Variants in UVRAG observed in about 807,000 individuals in gnomAD.
The protein encoded by UVRAG is UV radiation resistance-associated gene protein.
In UVRAG, 19 loss-of-function variants were observed where a neutral mutation model predicts 78.0. The ratio of observed to expected loss-of-function variants is 0.24; its 90% CI spans 0.17 to 0.36. The LOEUF is 0.36. Among genes scored for constraint, UVRAG ranks in the 10% least tolerant of loss-of-function variants. The pLI is 1.00. For synonymous variants in UVRAG, 323 were observed against 324.6 expected (o/e 1.00, Z 0.05); for missense variants, 740 against 853.8 (o/e 0.87, Z 1.66).
chr11:76,006,446 GCC>G (rs561815524), intron 9 of UVRAG, among the ~76,000 whole-genome samples: 3 of 152,084 alleles, frequency 2.0e-5, no homozygotes, highest in Admixed American at 2.0e-4. Flanking sequence ...GATAGCTTGA[GCC>G]TATGAGTTTG....
chr11:75,924,600 G>A (rs371500836), intron 6 of UVRAG, among the ~76,000 whole-genome samples: 4 of 152,012 alleles, frequency 2.6e-5, no homozygotes, highest in Admixed American at 2.6e-4. Flanking sequence ...GTGTTAGCCA[G>A]GATGGTCTTG....
At chr11:75,998,428 T>C (rs1949746882) in intron 8 of UVRAG, among the ~76,000 whole-genome samples, 1 of 152,074 alleles carries the variant, frequency 6.6e-6, no homozygotes, top group Non-Finnish European at 1.5e-5. Flanking sequence ...TTTTAAAAAA[T>C]CAAATTAATA....
intron 1 of UVRAG, among the ~76,000 whole-genome samples, chr11:75,826,714 A>C (rs1205425713): frequency 6.8e-6 from 1 of 146,412 alleles, no homozygotes; most frequent in Non-Finnish European, 1.5e-5. Flanking sequence ...TTTTTTTTTA[A>C]ATGTTCTACT....
At chr11:76,055,124 T>C (rs1004220432) in intron 12 of UVRAG, among the ~76,000 whole-genome samples, 1 of 152,200 alleles carries the variant, frequency 6.6e-6, no homozygotes, top group Non-Finnish European at 1.5e-5. Context: ...CTCAGCTCAC[T>C]GCAACCTTCA....
intron 12 of UVRAG, among the ~76,000 whole-genome samples, chr11:76,036,869 A>G (rs1419539761): frequency 6.6e-6 from 1 of 152,172 alleles, no homozygotes; most frequent in African/African-American, 2.4e-5. Context: ...AAAAAATATA[A>G]AATAACAAAA....
At chr11:76,075,758 C>T (rs1951393620) in intron 13 of UVRAG, among the ~76,000 whole-genome samples, 1 of 152,204 alleles carries the variant, frequency 6.6e-6, no homozygotes, top group Admixed American at 6.5e-5. Flanking sequence ...CCCTCAGGTT[C>T]CCCATCCCTG....
intron 5 of UVRAG, 82 bp from the exon 6 acceptor site, chr11:75,911,872 T>G: frequency 1.0e-6 from 1 of 994,666 alleles, no homozygotes; most frequent in African/African-American, 1.6e-5. Context: ...ATGTCATATT[T>G]TTAAAAAGAC....
rs143362691 is a variant in UVRAG, at chr11:75,936,752, A to T, written c.594-24692A>T. 5.0e-3 allele frequency among the ~76,000 whole-genome samples: 762 copies of T among 152,308 alleles called. 1 individual carries two copies. The highest frequency in any genetic ancestry group is 0.012 in the South Asian group (56 of 4,830). On this transcript the variant is annotated intron_variant, in intron 6 of 14. Transcript: ENST00000356136. The stretch of plus-strand genomic sequence containing the variant: ...TTTTAGTACAGAATAATAATAATAA[A>T]AAAACCCACTGTTGATTGACTTAAA...
At chr11:76,034,148 C>T (rs188700819) in intron 12 of UVRAG, among the ~76,000 whole-genome samples, 1 of 152,068 alleles carries the variant, frequency 6.6e-6, no homozygotes, top group African/African-American at 2.4e-5. Context: ...AGCCTGTGTC[C>T]TCTTGTACTA....
At chr11:75,903,052 C>T (rs1947542430) in intron 5 of UVRAG, among the ~76,000 whole-genome samples, 1 of 152,136 alleles carries the variant, frequency 6.6e-6, no homozygotes, top group African/African-American at 2.4e-5. Flanking sequence ...GGTTCTGTCT[C>T]CGCTTTTTAT....
chr11:75,818,327 G>GT (rs879630088), intron 1 of UVRAG, among the ~76,000 whole-genome samples: 18 of 145,318 alleles, frequency 1.2e-4, no homozygotes, highest in Non-Finnish European at 1.7e-4. Flanking sequence ...TATGTCTAAT[G>GT]TTTTTTTTTT....
intron 3 of UVRAG, among the ~76,000 whole-genome samples, chr11:75,877,374 C>A (rs1946813450): frequency 6.6e-6 from 1 of 152,162 alleles, no homozygotes; most frequent in Non-Finnish European, 1.5e-5. Flanking sequence ...GCACACCTCC[C>A]AGACGGGGTG....
intron 1 of UVRAG, among the ~76,000 whole-genome samples, chr11:75,841,683 A>T (rs967811552): frequency 2.0e-5 from 3 of 152,190 alleles, no homozygotes; most frequent in Non-Finnish European, 4.4e-5. Flanking sequence ...GTAAAATTTT[A>T]TATGAACTTT....
intron 5 of UVRAG, among the ~76,000 whole-genome samples, chr11:75,897,196 A>G (rs1453120751): frequency 2.0e-5 from 3 of 152,222 alleles, no homozygotes; most frequent in Non-Finnish European, 4.4e-5. Flanking sequence ...ATAGGCTGAG[A>G]TTGAAGATTT....
At chr11:75,861,585 AC>A (rs138610009) in intron 2 of UVRAG, among the ~76,000 whole-genome samples, 160 bp from the exon 3 acceptor site, 28,770 of 151,862 alleles carry the variant, frequency 0.19, 3,946 homozygotes, top group African/African-American at 0.4. Flanking sequence ...TTGAATTTTT[AC>A]TTTTTTTTTT....
chr11:75,895,334 C>G (rs1947317549), intron 5 of UVRAG, among the ~76,000 whole-genome samples: 1 of 152,068 alleles, frequency 6.6e-6, no homozygotes, highest in African/African-American at 2.4e-5. Flanking sequence ...AATTACTTAT[C>G]TGTTCATAAC....
At chr11:75,886,941 T>G (rs1181149106) in intron 4 of UVRAG, among the ~76,000 whole-genome samples, 1 of 148,950 alleles carries the variant, frequency 6.7e-6, no homozygotes, top group African/African-American at 2.5e-5. Context: ...CTACTTCGAG[T>G]TTTTTTTTTA....
chr11:75,847,152 C>G (rs1452798504), intron 1 of UVRAG, among the ~76,000 whole-genome samples: 1 of 150,304 alleles, frequency 6.7e-6, no homozygotes, highest in Admixed American at 6.6e-5. Flanking sequence ...GAGATGGAGT[C>G]TCACTCATTC....
intron 2 of UVRAG, among the ~76,000 whole-genome samples, chr11:75,858,272 G>A (rs1409822861): frequency 6.6e-6 from 1 of 151,870 alleles, no homozygotes; most frequent in Admixed American, 6.6e-5. Context: ...CTCATTTCTT[G>A]TTTGTCTTTC....
Sources: gnomAD v4.1 joint callset for allele counts (sites outside exome capture counted in the v4.1 genomes callset) on GRCh38, gnomAD v4.1.1 for gene constraint, MANE v1.5 for transcripts, NCBI Gene and HGNC (gene_info 2026-07-23, HGNC 2026-07-21) for gene names.